The following RARRES1 variants were observed in gnomAD, a reference collection of about 807,000 sequenced individuals.
The protein encoded by RARRES1 is retinoic acid receptor responder 1.
RARRES1 carries 34 observed loss-of-function variants against 30.6 expected under a neutral mutation model. The observed-to-expected ratio is 1.11, with a 90% CI of 0.84 to 1.48. The LOEUF (loss-of-function observed/expected upper bound fraction) is 1.48. Among genes scored for constraint, RARRES1 ranks in the 40% most tolerant of loss-of-function variants. The pLI is 0.00. For synonymous variants in RARRES1, 153 were observed against 155.5 expected (o/e 0.98, Z 0.12); for missense variants, 373 against 386.5 (o/e 0.97, Z 0.29).
chr3:158,715,439 A>G (rs897099363), intron 1 of RARRES1, among the ~76,000 whole-genome samples: 9 of 152,110 alleles, frequency 5.9e-5, no homozygotes, highest in Admixed American at 5.2e-4. Context: ...GCTGGAGAAA[A>G]GGTGTCTGGG....
intron 1 of RARRES1, among the ~76,000 whole-genome samples, chr3:158,720,268 G>GTGTGTGTGTGTGTA (rs1210592268): frequency 7.0e-6 from 1 of 143,316 alleles, no homozygotes; most frequent in African/African-American, 2.6e-5. Flanking sequence ...GTGTGTGTAT[G>GTGTGTGTGTGTGTA]TGTGTGAGAG....
intron 4 of RARRES1, among the ~76,000 whole-genome samples, chr3:158,702,684 C>G (rs1726776799): frequency 6.6e-6 from 1 of 152,168 alleles, no homozygotes; most frequent in South Asian, 2.1e-4. Flanking sequence ...ACTTTAAAAT[C>G]AGGTACAGTA....
intron 1 of RARRES1, among the ~76,000 whole-genome samples, chr3:158,715,054 C>T (rs772845785): frequency 2.6e-5 from 4 of 152,136 alleles, no homozygotes; most frequent in East Asian, 1.9e-4. Context: ...AGAGAATTCC[C>T]GAGAGCACTG....
At position 158,697,814 on chromosome 3, in the gene RARRES1, C is replaced by G; in HGVS notation, c.749G>C (p.Cys250Ser). The G allele has an allele frequency of 6.2e-7, 1 of 1,609,246 alleles. No individual in the cohort carries two copies. The highest frequency in any genetic ancestry group is 8.5e-7 in the Non-Finnish European group (1 of 1,176,740). The change falls in exon 6 of 6, where the codon TGT (cysteine) becomes TCT (serine). Residue 250 changes from cysteine to serine, a missense_variant. Coordinates refer to ENST00000237696, the MANE Select transcript of RARRES1 (RefSeq NM_206963.2). ...HELSTQEIIPCRIHLVWYPGK... is the reference protein window; with the variant it reads ...HELSTQEIIPSRIHLVWYPGK... ...AGGGTACCAGACCAAGTGAATGCGACAGGGAATTATTTCCTAGGAAATAGA... is the reference window on the plus strand; with the variant it reads ...AGGGTACCAGACCAAGTGAATGCGAGAGGGAATTATTTCCTAGGAAATAGA...
In RARRES1 at chr3:158,704,210, CTTTTTTTTTTTTTTTTTTTT is replaced by C. The variant is rs78169321; in HGVS notation, c.672+561_672+580del. Among the ~76,000 whole-genome samples the C allele has an allele frequency of 7.0e-4, 58 of 82,848 alleles. 2 individuals are homozygous for C. The highest frequency in any genetic ancestry group is 3.7e-3 in the East Asian group (7 of 1,874). 54.4% of individuals were successfully genotyped at this position (82,848 alleles called of 152,430 possible). On this transcript the variant is annotated intron_variant, in intron 4 of 5. Coordinates refer to ENST00000237696, the MANE Select transcript of RARRES1 (RefSeq NM_206963.2). The stretch of plus-strand genomic sequence containing the variant: ...AGGCCTTGCCTAGAATATTGCAATA[CTTTTTTTTTTTTTTTTTTTT>C]TTTTTTTTTTTTTTGAGACAGAGAT...
chr3:158,710,723 A>T lies in RARRES1; in HGVS notation c.535+15T>A, dbSNP rs1414757688. The stretch of plus-strand genomic sequence containing the variant: ...TACATTCCTGAATATAGAAATTCCA[A>T]ATGCTGATTCATACCAGGTATGCTG... On this transcript the variant is annotated intron_variant, in intron 3 of 5. Transcript: ENST00000237696. 1.3e-6 allele frequency: 2 copies of T among 1,569,472 alleles called. No individual in the cohort carries two copies. The highest frequency in any genetic ancestry group is 2.8e-5 in the African/African-American group (2 of 72,706).
At chr3:158,719,765 C>G (rs534859148) in intron 1 of RARRES1, among the ~76,000 whole-genome samples, 1 of 152,158 alleles carries the variant, frequency 6.6e-6, no homozygotes, top group East Asian at 1.9e-4. Flanking sequence ...AAACAGGCCA[C>G]TTTCAAAGAC....
chr3:158,716,228 G>A (rs1029558110), intron 1 of RARRES1, among the ~76,000 whole-genome samples: 5 of 152,160 alleles, frequency 3.3e-5, no homozygotes, highest in East Asian at 1.9e-4. Context: ...GAGATGTCTC[G>A]GAAAATGCTG....
chr3:158,730,736 G>A (rs908022006), intron 1 of RARRES1, among the ~76,000 whole-genome samples: 3 of 152,032 alleles, frequency 2.0e-5, no homozygotes, highest in Admixed American at 6.6e-5. Flanking sequence ...ACAGGCGTGA[G>A]CCACCATGCC....
chr3:158,730,434 CT>C (rs937447236), intron 1 of RARRES1, among the ~76,000 whole-genome samples: 121 of 132,896 alleles, frequency 9.1e-4, no homozygotes, highest in Non-Finnish European at 1.6e-3. Context: ...CTTTCTCTCT[CT>C]TTTTTTTCCC....
At position 158,723,034 on chromosome 3, in the gene RARRES1, A is replaced by G. The variant is rs113776881; in HGVS notation, c.276+9106T>C. 7.2e-5 allele frequency among the ~76,000 whole-genome samples: 11 copies of G among 152,256 alleles called. No homozygotes were observed. Among genetic ancestry groups the G allele is most frequent in the African/African-American group, 2.4e-4 (10 of 41,536 alleles). The stretch of plus-strand genomic sequence containing the variant: ...TCTCCAAAGACATGATTCTGCCCAA[A>G]GCTTCTCTACAGAAAACACTTCCCA... On this transcript the variant is annotated intron_variant, in intron 1 of 5. Transcript: ENST00000237696. The surrounding 1 kb of genome is among the most constrained non-coding windows in gnomAD (Gnocchi z 4.4).
At chr3:158,729,744 G>C (rs1049357924) in intron 1 of RARRES1, among the ~76,000 whole-genome samples, 1 of 151,924 alleles carries the variant, frequency 6.6e-6, no homozygotes, top group African/African-American at 2.4e-5. Flanking sequence ...GAGCCACCGC[G>C]CCCAGCCTAT....
intron 2 of RARRES1, among the ~76,000 whole-genome samples, chr3:158,712,836 A>G (rs1727182990): frequency 1.3e-5 from 2 of 152,212 alleles, no homozygotes; most frequent in African/African-American, 4.8e-5. Flanking sequence ...TACAGGATCA[A>G]ATCCAGGGAA....
In RARRES1 at chr3:158,713,975, C is replaced by T. The variant is rs1383652409; in HGVS notation, c.277-116G>A. 6.4e-6 allele frequency: 6 copies of T among 937,988 alleles called. No homozygotes were observed. In the African/African-American group the frequency reaches 1.0e-4, roughly 16 times the overall value. The allele number at this position is 937,988 out of a possible 1,614,324, so 58.1% of individuals were successfully genotyped here. On this transcript the variant is annotated intron_variant, in intron 1 of 5. Coordinates refer to ENST00000237696, the MANE Select transcript of RARRES1 (RefSeq NM_206963.2). Reference sequence around the variant, plus strand: ...CAAATGGTGGCTGTAGCATTTATACCTGAATAAAATTGGTGATGGCTTAGA... The same window carrying T: ...CAAATGGTGGCTGTAGCATTTATACTTGAATAAAATTGGTGATGGCTTAGA...
chr3:158,721,456 G>T (rs1279548914), intron 1 of RARRES1, among the ~76,000 whole-genome samples: 4 of 152,164 alleles, frequency 2.6e-5, no homozygotes, highest in African/African-American at 9.7e-5. Flanking sequence ...TTGGTCCAGG[G>T]ACCACACTTG....
intron 3 of RARRES1, among the ~76,000 whole-genome samples, chr3:158,708,440 C>T (rs1353139278): frequency 1.3e-5 from 2 of 152,148 alleles, no homozygotes; most frequent in African/African-American, 4.8e-5. Context: ...GCTGGTTATT[C>T]CCAGGTCTTC....
intron 3 of RARRES1, 21 bp from the exon 4 acceptor site, chr3:158,704,948 A>C: frequency 6.3e-7 from 1 of 1,598,094 alleles, no homozygotes; most frequent in South Asian, 1.1e-5. Flanking sequence ...CAAAAAAAGC[A>C]CATTTGTATT....
At chr3:158,726,992 C>G (rs985469033) in intron 1 of RARRES1, among the ~76,000 whole-genome samples, 4 of 152,160 alleles carry the variant, frequency 2.6e-5, no homozygotes, top group African/African-American at 9.7e-5. Context: ...TCCCCACTTG[C>G]TCTCTTGCTC....
chr3:158,732,221 C>A lies in RARRES1; in HGVS notation c.195G>T (p.Ala65=). Residue 65 remains alanine, a synonymous_variant, in exon 1 of 6, where the codon GCG becomes GCT. Transcript: ENST00000237696. ...ACCGGAAGTTGAAGAAGTGAAGCGC[C>A]GCGCGCGCCGCCTGCTGCAGGAGCC... ...PRRLLQQAAR[A]ALHFFNFRSG... The A allele has an allele frequency of 7.1e-6, 10 of 1,405,152 alleles. No individual in the cohort carries two copies. Among genetic ancestry groups the A allele is most frequent in the South Asian group, 1.6e-5 (1 of 63,952 alleles). The allele number at this position is 1,405,152 out of a possible 1,614,324, so 87.0% of individuals were successfully genotyped here.
Sources: allele counts gnomAD v4.1 joint callset (sites outside exome capture counted in the v4.1 genomes callset), GRCh38; gene constraint gnomAD v4.1.1; non-coding constraint Gnocchi (gnomAD v3.1); transcripts MANE v1.5; gene names NCBI Gene and HGNC (gene_info 2026-07-23, HGNC 2026-07-21).